CWF19L2: variants seen among roughly 807,000 people sequenced by gnomAD.
CWF19L2 encodes CWF19-like protein 2.
Under a neutral mutation model 111.7 loss-of-function variants are expected in CWF19L2, and 98 were observed. The observed-to-expected ratio is 0.88, with a 90% CI of 0.75 to 1.04. The LOEUF (loss-of-function observed/expected upper bound fraction) is 1.04, where lower values mean the gene tolerates loss of function less well. Ranked by LOEUF, CWF19L2 falls within the 50% of genes least tolerant of loss-of-function variation. The pLI, the probability that CWF19L2 is intolerant of heterozygous loss-of-function variation, is 0.00. For missense variants in CWF19L2, 1,101 were observed against 1,051.4 expected, an observed-to-expected ratio of 1.05 and a Z score of -0.65; for synonymous variants, 351 against 342.9, an observed-to-expected ratio of 1.02 and a Z score of -0.26.
rs1404527043 is a variant in CWF19L2 at position 107,416,286 on chromosome 11, G to T, written c.1540C>A (p.Gln514Lys). 2 of 1,443,646 alleles carry T rather than the reference G, an allele frequency of 1.4e-6. No individual in the cohort carries two copies. Among genetic ancestry groups the T allele is most frequent in the South Asian group, 1.4e-5 (1 of 73,510 alleles). The allele number at this position is 1,443,646 out of a possible 1,614,324, so 89.4% of individuals were successfully genotyped here. Residue 514 changes from glutamine to lysine, a missense_variant, in exon 10 of 18, where the codon CAA becomes AAA. Gln to Lys is a moderately conservative substitution (Grantham distance 53, BLOSUM62 1). Transcript: ENST00000282251. ...EMMGNMELAE[Q>K]LKVQLEKANK... ...GCCTTTTCAAGTTGAACTTTAAGTT[G>T]TTCAGCTAATTCCTTCAAAAAGAAA... is the stretch of plus-strand genomic sequence containing the variant.
At chr11:107,451,978 A>C (rs1861784528) in intron 3 of CWF19L2, among the ~76,000 whole-genome samples, 2 of 152,188 alleles carry the variant, frequency 1.3e-5, no homozygotes, top group African/African-American at 4.8e-5. Context: ...CATCATGCTT[A>C]AATGTAAAAA....
intron 10 of CWF19L2, chr11:107,403,329 T>C (rs1396005330): frequency 2.9e-5 from 15 of 522,644 alleles, no homozygotes; most frequent in Non-Finnish European, 5.1e-5. Flanking sequence ...CTAACAGGTA[T>C]TTTTTTAAAA....
intron 5 of CWF19L2, among the ~76,000 whole-genome samples, chr11:107,439,699 G>A (rs1861593734): frequency 2.0e-5 from 3 of 152,198 alleles, no homozygotes; most frequent in African/African-American, 7.2e-5. Context: ...AACAGAGAAA[G>A]AGAAAGTGCA....
chr11:107,355,579 A>G lies in CWF19L2; in HGVS notation c.1873-1843T>C, dbSNP rs568577837. ...TGTCAGACAAAGCAGATTTCATAGC[A>G]TATAGTATTATGAATGATAAAAGGT... On this transcript the variant is annotated intron_variant, in intron 12 of 17. Coordinates refer to ENST00000282251, the MANE Select transcript of CWF19L2 (RefSeq NM_152434.3). 2.0e-4 allele frequency among the ~76,000 whole-genome samples: 31 copies of G among 152,352 alleles called. No individual in the cohort carries two copies. The South Asian group carries it at 3.5e-3, about 17-fold the overall frequency.
intron 10 of CWF19L2, among the ~76,000 whole-genome samples, chr11:107,397,159 C>G (rs2135381127): frequency 6.6e-6 from 1 of 152,294 alleles, no homozygotes; most frequent in Non-Finnish European, 1.5e-5. Flanking sequence ...GGGTGAGAAA[C>G]CTCCTGGCCA....
chr11:107,418,002 C>T (rs892929277), intron 9 of CWF19L2, among the ~76,000 whole-genome samples, 192 bp downstream of exon 9: 8 of 152,224 alleles, frequency 5.3e-5, no homozygotes, highest in Non-Finnish European at 7.4e-5. Context: ...TCAAGTGATC[C>T]GCCTGCCTTG....
intron 11 of CWF19L2, among the ~76,000 whole-genome samples, chr11:107,391,840 C>T (rs1860852655): frequency 6.6e-6 from 1 of 152,188 alleles, no homozygotes; most frequent in South Asian, 2.1e-4. Flanking sequence ...CACTTAATTT[C>T]TGGCCCTCTT....
intron 12 of CWF19L2, among the ~76,000 whole-genome samples, chr11:107,357,443 C>G (rs868748597): frequency 6.6e-6 from 1 of 152,020 alleles, no homozygotes; most frequent in Non-Finnish European, 1.5e-5. Context: ...ATGATATAGC[C>G]CATTGTGTTT....
Position 107,393,500 on chromosome 11 carries a change from T to C in CWF19L2, c.1618-605A>G, listed in dbSNP as rs1024872439. On this transcript the variant is annotated intron_variant, in intron 10 of 17. Transcript: ENST00000282251. ...ATTCTCTAATGGAAATGGAATGTTA[T>C]TGGAAGGATTCTAATAATCATTAAA... Among the ~76,000 whole-genome samples the C allele has an allele frequency of 2.6e-5, 4 of 152,168 alleles. No individual in the cohort carries two copies. In the East Asian group the frequency reaches 5.8e-4, roughly 22 times the overall value.
chr11:107,406,438 C>T (rs1861078518), intron 10 of CWF19L2, among the ~76,000 whole-genome samples: 2 of 152,138 alleles, frequency 1.3e-5, no homozygotes, highest in South Asian at 4.1e-4. Context: ...CACACAAGTA[C>T]CTGGCCAAGG....
At chr11:107,352,824 C>T (rs78893897) in intron 13 of CWF19L2, among the ~76,000 whole-genome samples, 2,669 of 152,208 alleles carry the variant, frequency 0.018, 60 homozygotes, top group African/African-American at 0.06. Flanking sequence ...TAAATATGTA[C>T]ATGTATGTTT....
intron 12 of CWF19L2, among the ~76,000 whole-genome samples, chr11:107,359,542 G>C (rs1336940607): frequency 6.6e-6 from 1 of 152,184 alleles, no homozygotes; most frequent in Non-Finnish European, 1.5e-5. Flanking sequence ...ATTACCCTTT[G>C]TGATAAACTA....
At chr11:107,345,300 C>T (rs769671458) in intron 14 of CWF19L2, 5 of 258,406 alleles carry the variant, frequency 1.9e-5, no homozygotes, top group Non-Finnish European at 2.3e-5. Context: ...AAAACAAAAT[C>T]GTTAACAGAG....
Position 107,434,547 on chromosome 11 carries a change from G to C in CWF19L2, c.665-798C>G, listed in dbSNP as rs534847217. Among the ~76,000 whole-genome samples, 387 of 150,942 alleles carry C rather than the reference G, an allele frequency of 2.6e-3. 10 individuals carry two copies. The highest frequency in any genetic ancestry group is 2.8e-3 in the Non-Finnish European group (188 of 67,848). ...CACATTAACCCCAAGACATATACAA[G>C]AATATTCATAGCAGAACACTGCAAT... On this transcript the variant is annotated intron_variant, in intron 6 of 17. Transcript: ENST00000282251.
Position 107,372,757 on chromosome 11 carries a change from C to T in CWF19L2, c.1872+17317G>A, listed in dbSNP as rs192779181. 4.1e-3 allele frequency among the ~76,000 whole-genome samples: 551 copies of T among 133,200 alleles called. 109 individuals carry two copies. The highest frequency in any genetic ancestry group is 6.3e-3 in the Non-Finnish European group (395 of 63,108). The allele number at this position is 133,200 out of a possible 152,430, so 87.4% of individuals were successfully genotyped here. On this transcript the variant is annotated intron_variant, in intron 12 of 17. Transcript: ENST00000282251. ...TAGACCAGATAAGAAACAAAGATAG[C>T]GGGTTGAGGAGCCAAGATGGCCAAA...
At chr11:107,417,605 A>G (rs894988242) in intron 9 of CWF19L2, among the ~76,000 whole-genome samples, 3 of 152,226 alleles carry the variant, frequency 2.0e-5, no homozygotes, top group Admixed American at 2.0e-4. Context: ...AATATGCTCA[A>G]TGAGTTACAA....
At chr11:107,432,336 G>A (rs1861476142) in intron 7 of CWF19L2, among the ~76,000 whole-genome samples, 2 of 152,214 alleles carry the variant, frequency 1.3e-5, no homozygotes, top group Admixed American at 6.5e-5. Context: ...CCAGCACTGT[G>A]GGAGGCCAAG....
chr11:107,352,737 T>C (rs965437223), intron 13 of CWF19L2, among the ~76,000 whole-genome samples: 1 of 152,162 alleles, frequency 6.6e-6, no homozygotes, highest in African/African-American at 2.4e-5. Flanking sequence ...GAAGCCAGAA[T>C]GGACACTGAT....
At chr11:107,457,170 G>C (rs1015337798) in intron 1 of CWF19L2, among the ~76,000 whole-genome samples, 1 of 151,998 alleles carries the variant, frequency 6.6e-6, no homozygotes, top group African/African-American at 2.4e-5. Flanking sequence ...ACAATGTTTC[G>C]CGATCTTTTG....
Sources: gnomAD v4.1 joint callset for allele counts (sites outside exome capture counted in the v4.1 genomes callset) on GRCh38, gnomAD v4.1.1 for gene constraint, MANE v1.5 for transcripts, NCBI Gene and HGNC (gene_info 2026-07-23, HGNC 2026-07-21) for gene names.